Variants in VDR observed in about 807,000 individuals in gnomAD.
The protein encoded by VDR is vitamin D receptor.
A neutral mutation model predicts 39.7 loss-of-function variants in VDR; 19 were observed. That is an observed-to-expected ratio of 0.48 (90% CI 0.33 to 0.70). The LOEUF is 0.70. Ranked by LOEUF, VDR falls within the 30% of genes least tolerant of loss-of-function variation. The pLI is 0.02. For synonymous variants in VDR, 242 were observed against 215.8 expected, an observed-to-expected ratio of 1.12 and a Z score of -1.07; for missense variants, 442 against 570.5, an observed-to-expected ratio of 0.77 and a Z score of 2.29.
At chr12:47,855,512 G>T in intron 7 of VDR, 118 bp downstream of exon 7, 1 of 1,234,686 alleles carries the variant, frequency 8.1e-7, no homozygotes, top group Non-Finnish European at 1.1e-6. Context: ...AGAGCAAGAT[G>T]CCGTTTAAAA....
chr12:47,849,712 T>A (rs1306926892), intron 7 of VDR, among the ~76,000 whole-genome samples: 1 of 152,230 alleles, frequency 6.6e-6, no homozygotes, highest in Non-Finnish European at 1.5e-5. Flanking sequence ...CCCATTTTTG[T>A]TTTGACTCAT....
chr12:47,845,184 G>A lies in VDR; in HGVS notation c.1025-179C>T, dbSNP rs117637403. On this transcript the variant is annotated intron_variant, in intron 9 of 9. Transcript: ENST00000549336. ...CCCAAAGCCCTCCAGTGACTTCTCC[G>A]TGCATTTAGGATCCAGACCTAGGTC... is the stretch of plus-strand genomic sequence containing the variant. Among the ~76,000 whole-genome samples, 167 of 151,550 alleles carry A rather than the reference G, an allele frequency of 1.1e-3. 1 individual carries two copies. The highest frequency in any genetic ancestry group is 2.0e-3 in the Non-Finnish European group (135 of 67,890).
At chr12:47,846,886 AGGTATACACCT>A in intron 7 of VDR, 78 bp from the exon 8 acceptor site, 1 of 1,554,714 alleles carries the variant, frequency 6.4e-7, no homozygotes, top group Non-Finnish European at 8.9e-7. Flanking sequence ...GTGCTTTGAC[AGGTATACACCT>A]GCTGGGCACC....
At chr12:47,893,325 C>T (rs531786555) in intron 1 of VDR, among the ~76,000 whole-genome samples, 1 of 152,258 alleles carries the variant, frequency 6.6e-6, no homozygotes, top group African/African-American at 2.4e-5. Flanking sequence ...GCTGAAGTCC[C>T]AGCCTGGGTA....
chr12:47,904,838 C>T, intron 1 of VDR, 117 bp downstream of exon 1: 1 of 478,940 alleles, frequency 2.1e-6, no homozygotes. Flanking sequence ...GCCAAGTTTA[C>T]CGCTGAGACT....
At chr12:47,882,627 C>CCAGG in intron 2 of VDR, 67 bp downstream of exon 2, 1 of 562,066 alleles carries the variant, frequency 1.8e-6, no homozygotes, top group Non-Finnish European at 3.1e-6. Context: ...TCTTATGCCC[C>CCAGG]TCCCCCCCAC....
At chr12:47,892,902 G>A (rs1240235611) in intron 1 of VDR, among the ~76,000 whole-genome samples, 1 of 152,222 alleles carries the variant, frequency 6.6e-6, no homozygotes, top group Non-Finnish European at 1.5e-5. Context: ...GGAAGGAGCA[G>A]AGGAGTTTAA....
At chr12:47,845,259 C>T (rs571589790) in intron 9 of VDR, among the ~76,000 whole-genome samples, 10 of 152,094 alleles carry the variant, frequency 6.6e-5, no homozygotes, top group Admixed American at 5.9e-4. Context: ...GCTCCCTGTC[C>T]ATGCTCTGTC....
intron 3 of VDR, among the ~76,000 whole-genome samples, chr12:47,872,052 A>T (rs552395276): frequency 6.3e-4 from 96 of 152,370 alleles, no homozygotes; most frequent in African/African-American, 2.2e-3. Flanking sequence ...TTTCACTTAC[A>T]TATCCTCTTA....
At position 47,844,656 on chromosome 12, in the gene VDR, A is replaced by G; in HGVS notation, c.*90T>C. 3 of 1,577,018 alleles carry G rather than the reference A, an allele frequency of 1.9e-6. No individual in the cohort carries two copies. The highest frequency in any genetic ancestry group is 2.6e-6 in the Non-Finnish European group (3 of 1,156,044). Reference sequence around the variant, plus strand: ...GAGGGGCTGAACCCCAGACGGGGTGAGGAGGGCTGCTGAGTAGCCGCCAGC... The same window carrying G: ...GAGGGGCTGAACCCCAGACGGGGTGGGGAGGGCTGCTGAGTAGCCGCCAGC... On this transcript the variant is annotated 3_prime_UTR_variant, in exon 10 of 10. Coordinates refer to ENST00000549336, the MANE Select transcript of VDR (RefSeq NM_000376.3).
At chr12:47,878,491 A>G (rs1332855402) in intron 3 of VDR, among the ~76,000 whole-genome samples, 1 of 152,206 alleles carries the variant, frequency 6.6e-6, no homozygotes, top group Non-Finnish European at 1.5e-5. Flanking sequence ...GGGTGAAGAT[A>G]TGGGTACAGA....
chr12:47,898,120 T>A (rs1455949084), intron 1 of VDR, among the ~76,000 whole-genome samples: 1 of 152,040 alleles, frequency 6.6e-6, no homozygotes, highest in Non-Finnish European at 1.5e-5. Context: ...GCACTGCTGG[T>A]GGAAGCCCAG....
chr12:47,904,858 A>C (rs1414903708), intron 1 of VDR, 97 bp downstream of exon 1: 4 of 377,936 alleles, frequency 1.1e-5, no homozygotes, highest in African/African-American at 2.1e-5. Context: ...TTAGACTCTA[A>C]TGCTCGCAGC....
rs752590757 is a variant in VDR at position 47,857,605 on chromosome 12, G to A, written c.361C>T (p.Arg121Trp). 3.5e-5 allele frequency: 57 copies of A among 1,614,050 alleles called. 1 individual carries two copies. The highest frequency in any genetic ancestry group is 1.0e-4 in the Admixed American group (6 of 60,000). The change falls in exon 5 of 10, where the codon CGG becomes TGG. Residue 121 changes from arginine (R) to tryptophan (W), a missense_variant. By Grantham distance (101) the Arg-to-Trp change is moderately radical. Transcript: ENST00000549336. ...TGCTGCTCCTCAGACAGCTTGGGCCGCAGACTGTCCTTCAAGGCCTCCTCC... is the reference window on the plus strand; with the variant it reads ...TGCTGCTCCTCAGACAGCTTGGGCCACAGACTGTCCTTCAAGGCCTCCTCC... The part of the protein sequence containing the change: ...KEEEALKDSL[R>W]PKLSEEQQRI...
At chr12:47,873,404 A>AGGC (rs1945929719) in intron 3 of VDR, among the ~76,000 whole-genome samples, 1 of 116,028 alleles carries the variant, frequency 8.6e-6, no homozygotes, top group Non-Finnish European at 1.6e-5. Flanking sequence ...GCTGTCGCCC[A>AGGC]CGCTGGAGTG....
At chr12:47,903,055 G>C (rs572934525) in intron 1 of VDR, among the ~76,000 whole-genome samples, 5 of 152,290 alleles carry the variant, frequency 3.3e-5, no homozygotes, top group East Asian at 1.9e-4. Context: ...AACAGCACCC[G>C]ACCTTCCATA....
intron 1 of VDR, among the ~76,000 whole-genome samples, chr12:47,890,390 T>A (rs913030995): frequency 6.8e-6 from 1 of 148,050 alleles, no homozygotes; most frequent in African/African-American, 2.5e-5. Flanking sequence ...TATATATATA[T>A]ATATATAAAT....
intron 3 of VDR, among the ~76,000 whole-genome samples, chr12:47,865,714 CT>C (rs34900299): frequency 0.61 from 64,307 of 105,944 alleles, 18,186 homozygotes; most frequent in East Asian, 0.88. Context: ...CACTCCGACT[CT>C]TTTTTTTTTT....
chr12:47,877,841 G>A (rs1305670071), intron 3 of VDR, among the ~76,000 whole-genome samples: 2 of 152,160 alleles, frequency 1.3e-5, no homozygotes, highest in African/African-American at 4.8e-5. Flanking sequence ...GAAGCCAAGC[G>A]GGCAGCCAGT....
Sources: allele counts gnomAD v4.1 joint callset (sites outside exome capture counted in the v4.1 genomes callset), GRCh38; gene constraint gnomAD v4.1.1; transcripts MANE v1.5; gene names NCBI Gene and HGNC (gene_info 2026-07-23, HGNC 2026-07-21).